The following BZW2 variants were observed in gnomAD, a reference collection of about 807,000 sequenced individuals.
BZW2 encodes the protein eIF5-mimic protein 1.
A neutral mutation model predicts 53.2 loss-of-function variants in BZW2; 23 were observed. The observed-to-expected ratio is 0.43, with a 90% confidence interval of 0.31 to 0.61. The LOEUF is 0.61. Ranked by LOEUF, BZW2 falls within the 20% of genes least tolerant of loss-of-function variation. BZW2 has a pLI of 0.09. For missense variants in BZW2, 409 were observed against 503.1 expected, an observed-to-expected ratio of 0.81 and a Z score of 1.79; for synonymous variants, 227 against 186.4, an observed-to-expected ratio of 1.22 and a Z score of -1.77.
At chr7:16,686,281 T>G in intron 6 of BZW2, 1 of 449,284 alleles carries the variant, frequency 2.2e-6, no homozygotes, top group South Asian at 2.8e-5. Context: ...GAAAGACTAA[T>G]AGCAAATTAA....
At position 16,706,188 on chromosome 7, in the gene BZW2, G is replaced by GA; in HGVS notation, c.*100_*101insA. ...GAAACTTGGCTTCTGTTTTCGCAAAGGAAAAAAAAAATAGGATAGGCTTCC... is the reference window on the plus strand; with the variant it reads ...GAAACTTGGCTTCTGTTTTCGCAAAGAGAAAAAAAAAATAGGATAGGCTTCC... On this transcript the variant is annotated 3_prime_UTR_variant, in exon 12 of 12. Coordinates refer to ENST00000258761, the MANE Select transcript of BZW2 (RefSeq NM_014038.3). 1.5e-6 allele frequency: 2 copies of GA among 1,342,698 alleles called. No individual in the cohort carries two copies. The highest frequency in any genetic ancestry group is 2.1e-5 in the Admixed American group (1 of 47,288). The allele number at this position is 1,342,698 out of a possible 1,614,324, so 83.2% of individuals were successfully genotyped here.
intron 1 of BZW2, among the ~76,000 whole-genome samples, chr7:16,657,889 C>G (rs542342723): frequency 9.2e-5 from 14 of 152,238 alleles, no homozygotes; most frequent in Non-Finnish European, 1.8e-4. Flanking sequence ...CATTTCAGAC[C>G]TAAGGGTCTT....
At chr7:16,699,223 T>G (rs1051167143) in intron 10 of BZW2, among the ~76,000 whole-genome samples, 1 of 152,186 alleles carries the variant, frequency 6.6e-6, no homozygotes, top group African/African-American at 2.4e-5. Flanking sequence ...CCATTGCCAC[T>G]TGAAGTTCAG....
At chr7:16,668,618 A>G (rs1456719621) in intron 2 of BZW2, among the ~76,000 whole-genome samples, 1 of 152,200 alleles carries the variant, frequency 6.6e-6, no homozygotes, top group Non-Finnish European at 1.5e-5. Context: ...GCAATTTTGT[A>G]GAGCTGGGGA....
chr7:16,699,980 A>C (rs1562498825), intron 10 of BZW2, among the ~76,000 whole-genome samples: 1 of 152,208 alleles, frequency 6.6e-6, no homozygotes, highest in Non-Finnish European at 1.5e-5. Context: ...TCATTGATTA[A>C]CTAGGTAATC....
chr7:16,704,988 T>A (rs1783789587), intron 11 of BZW2, among the ~76,000 whole-genome samples: 1 of 152,198 alleles, frequency 6.6e-6, no homozygotes, highest in Admixed American at 6.5e-5. Context: ...ATTCTATAGA[T>A]TTTTATGACA....
chr7:16,701,062 T>A (rs1348355154), intron 10 of BZW2, among the ~76,000 whole-genome samples: 1 of 152,150 alleles, frequency 6.6e-6, no homozygotes, highest in Admixed American at 6.5e-5. Flanking sequence ...ATTGAAAGAT[T>A]TATAAATCTT....
chr7:16,696,256 C>T (rs1186693851), intron 8 of BZW2, among the ~76,000 whole-genome samples: 6 of 152,148 alleles, frequency 3.9e-5, no homozygotes, highest in Non-Finnish European at 8.8e-5. Context: ...AGGAAAAAGC[C>T]TTTCAAATAA....
intron 1 of BZW2, among the ~76,000 whole-genome samples, chr7:16,664,364 C>T (rs1237040724): frequency 6.6e-6 from 1 of 152,172 alleles, no homozygotes; most frequent in African/African-American, 2.4e-5. Flanking sequence ...TGACAACAGG[C>T]CACTTTGGTG....
intron 5 of BZW2, among the ~76,000 whole-genome samples, chr7:16,684,345 T>C (rs1000085091): frequency 2.6e-5 from 4 of 152,096 alleles, no homozygotes; most frequent in African/African-American, 7.2e-5. Context: ...ATCAGAAGAG[T>C]GTCTGGTCCA....
In BZW2 at chr7:16,689,870, G is replaced by A. The variant is rs138783404; in HGVS notation, c.615G>A (p.Ser205=). The stretch of plus-strand genomic sequence containing the variant: ...AAAAAGATGCCAACTCTGTTACCTC[G>A]TCTTTGAGAAAAGCCAACTTAGACA... ...MAEKDANSVT[S]SLRKANLDKR... is the part of the protein sequence containing the mutation. The change falls in exon 7 of 12, where the codon TCG becomes TCA. Residue 205 remains serine, a synonymous_variant. Transcript: ENST00000258761. 2.0e-5 allele frequency: 33 copies of A among 1,611,806 alleles called. No individual in the cohort carries two copies. The highest frequency in any genetic ancestry group is 1.1e-4 in the East Asian group (5 of 44,814).
intron 10 of BZW2, among the ~76,000 whole-genome samples, chr7:16,702,541 G>C (rs187202028): frequency 6.6e-5 from 10 of 152,170 alleles, no homozygotes; most frequent in Admixed American, 4.6e-4. Context: ...CATTTGATAG[G>C]TTTTACCTAT....
At chr7:16,674,119 C>T (rs911153684) in intron 2 of BZW2, among the ~76,000 whole-genome samples, 2 of 152,142 alleles carry the variant, frequency 1.3e-5, no homozygotes, top group Non-Finnish European at 2.9e-5. Context: ...AGGCTGGTCT[C>T]GAATTCCTGA....
chr7:16,696,882 G>C (rs1783510736), intron 8 of BZW2, 33 bp from the exon 9 acceptor site: 4 of 1,612,726 alleles, frequency 2.5e-6, no homozygotes, highest in Non-Finnish European at 3.4e-6. Context: ...CCATCTGCCT[G>C]TTACTTTCTG....
chr7:16,706,199 ATAGG>A lies in BZW2; in HGVS notation c.*112_*115del. The A allele has an allele frequency of 1.4e-5, 17 of 1,198,340 alleles. No homozygotes were observed. The highest frequency in any genetic ancestry group is 1.6e-5 in the Non-Finnish European group (13 of 828,100). 74.2% of individuals were successfully genotyped at this position (1,198,340 alleles called of 1,614,324 possible). On this transcript the variant is annotated 3_prime_UTR_variant, in exon 12 of 12. Transcript: ENST00000258761. ...TCTGTTTTCGCAAAGGAAAAAAAAAATAGGATAGGCTTCCCTTGTGCAGAGGGAG... is the reference window on the plus strand; with the variant it reads ...TCTGTTTTCGCAAAGGAAAAAAAAAAATAGGCTTCCCTTGTGCAGAGGGAG...
intron 3 of BZW2, among the ~76,000 whole-genome samples, chr7:16,676,947 A>G (rs1782783321): frequency 6.6e-6 from 1 of 152,006 alleles, no homozygotes; most frequent in Non-Finnish European, 1.5e-5. Context: ...CCTGGCTTCC[A>G]TCGTTAACCA....
Position 16,689,804 on chromosome 7 carries a change from G to C in BZW2, c.549G>C (p.Ala183=). The change falls in exon 7 of 12, where the codon GCG becomes GCC. Residue 183 remains alanine, a synonymous_variant. Transcript: ENST00000258761. ...TCTTTTGTTTTTCAACAGGCATTGC[G>C]GCCTCATTTGCTGTCAAGCTTTTCA... ...FTDSLVKEGI[A]ASFAVKLFKA... 1 of 1,604,844 alleles carries C rather than the reference G, an allele frequency of 6.2e-7. No homozygotes were observed. Among genetic ancestry groups the C allele is most frequent in the Non-Finnish European group, 8.5e-7 (1 of 1,174,860 alleles).
At chr7:16,666,724 C>T (rs922528371) in intron 2 of BZW2, among the ~76,000 whole-genome samples, 6 of 152,026 alleles carry the variant, frequency 3.9e-5, no homozygotes, top group Non-Finnish European at 8.8e-5. Flanking sequence ...GGCTGGAATA[C>T]AGTGGTGCCA....
intron 1 of BZW2, among the ~76,000 whole-genome samples, chr7:16,650,409 A>AG (rs984686393): frequency 6.6e-6 from 1 of 152,208 alleles, no homozygotes. Flanking sequence ...CCAAAAAAAA[A>AG]GAGTACCAAA....
Sources: gnomAD v4.1 joint callset for allele counts (sites outside exome capture counted in the v4.1 genomes callset) on GRCh38, gnomAD v4.1.1 for gene constraint, MANE v1.5 for transcripts, NCBI Gene and HGNC (gene_info 2026-07-23, HGNC 2026-07-21) for gene names.